PTTG1IP2: variants seen among roughly 807,000 people sequenced by gnomAD.
The protein encoded by PTTG1IP2 is PTTG1IP family member 2.
chr7:90,487,624 A>T (rs1008570259), intron 3 of PTTG1IP2, among the ~76,000 whole-genome samples: 1 of 152,340 alleles, frequency 6.6e-6, no homozygotes, highest in Non-Finnish European at 1.5e-5. Context: ...TAAGTAAAAT[A>T]AAAATAAAAA....
At chr7:90,490,734 G>A (rs1222400961) in intron 4 of PTTG1IP2, among the ~76,000 whole-genome samples, 1 of 152,088 alleles carries the variant, frequency 6.6e-6, no homozygotes, top group Non-Finnish European at 1.5e-5. Flanking sequence ...CTCCTTGTAA[G>A]TGTCATCACT....
chr7:90,491,218 T>C (rs10240380), intron 4 of PTTG1IP2, among the ~76,000 whole-genome samples: 145,740 of 152,350 alleles, frequency 0.96, 69,756 homozygotes, highest in East Asian at 1. Context: ...AAGTGTTTCA[T>C]TGTCCATGTA....
chr7:90,484,383 C>T (rs1420597704), intron 2 of PTTG1IP2, among the ~76,000 whole-genome samples: 1 of 152,010 alleles, frequency 6.6e-6, no homozygotes, highest in Non-Finnish European at 1.5e-5. Context: ...ATTGTGATGT[C>T]CATATAAGCT....
At chr7:90,497,676 C>G (rs890116746) in intron 6 of PTTG1IP2, among the ~76,000 whole-genome samples, 15 of 123,834 alleles carry the variant, frequency 1.2e-4, no homozygotes, top group Admixed American at 6.0e-4. Context: ...GTGATCATAC[C>G]ACTGTACTCC....
At chr7:90,472,909 G>T (rs1179493411) in intron 1 of PTTG1IP2, among the ~76,000 whole-genome samples, 1 of 152,204 alleles carries the variant, frequency 6.6e-6, no homozygotes, top group Non-Finnish European at 1.5e-5. Flanking sequence ...TTTAAATGCT[G>T]ATGGGGAACC....
intron 4 of PTTG1IP2, 52 bp downstream of exon 4, chr7:90,489,016 A>C (rs2116079730): frequency 6.6e-6 from 1 of 151,980 alleles, no homozygotes; most frequent in East Asian, 1.9e-4. Context: ...ATATCATTGA[A>C]GAGAATACTA....
At chr7:90,488,724 T>C (rs1797905112) in intron 3 of PTTG1IP2, 147 bp from the exon 4 acceptor site, 2 of 152,066 alleles carry the variant, frequency 1.3e-5, no homozygotes, top group South Asian at 4.1e-4. Flanking sequence ...GGTAGTTTTA[T>C]TGGAATATGT....
chr7:90,503,179 G>T (rs1274735371), intron 6 of PTTG1IP2, among the ~76,000 whole-genome samples: 1 of 152,100 alleles, frequency 6.6e-6, no homozygotes, highest in East Asian at 1.9e-4. Flanking sequence ...ACCAGTCTCT[G>T]CTAGATTCCA....
chr7:90,478,218 CTTTAG>C (rs1450541874), intron 1 of PTTG1IP2, among the ~76,000 whole-genome samples: 1 of 151,098 alleles, frequency 6.6e-6, no homozygotes, highest in African/African-American at 2.4e-5. Flanking sequence ...AAAATAAAAA[CTTTAG>C]TTTACAAAAA....
intron 2 of PTTG1IP2, among the ~76,000 whole-genome samples, chr7:90,487,120 A>G (rs1797883291): frequency 2.0e-5 from 3 of 152,328 alleles, no homozygotes; most frequent in Admixed American, 6.5e-5. Context: ...GCTGTGAGCC[A>G]CTGGGAGCCA....
At chr7:90,498,150 C>G (rs982147967) in intron 6 of PTTG1IP2, among the ~76,000 whole-genome samples, 1 of 152,110 alleles carries the variant, frequency 6.6e-6, no homozygotes, top group Non-Finnish European at 1.5e-5. Context: ...CTCAGCCTCC[C>G]GAGTAGCTGG....
At chr7:90,488,161 C>G (rs1011180002) in intron 3 of PTTG1IP2, among the ~76,000 whole-genome samples, 1 of 151,892 alleles carries the variant, frequency 6.6e-6, no homozygotes, top group Admixed American at 6.6e-5. Context: ...GTGAAAAAAC[C>G]CAATCTAGAA....
intron 2 of PTTG1IP2, among the ~76,000 whole-genome samples, chr7:90,485,916 G>T (rs1797870085): frequency 6.6e-6 from 1 of 152,184 alleles, no homozygotes; most frequent in Non-Finnish European, 1.5e-5. Flanking sequence ...GTCTCTGTGG[G>T]CTGTAATCTT....
chr7:90,492,086 G>A (rs185277107), intron 4 of PTTG1IP2, among the ~76,000 whole-genome samples, 153 bp from the exon 5 acceptor site: 123 of 152,142 alleles, frequency 8.1e-4, no homozygotes, highest in African/African-American at 2.8e-3. Flanking sequence ...AGCTGTGATC[G>A]TGCCACTGCA....
At chr7:90,503,371 T>C (rs547523854) in intron 6 of PTTG1IP2, among the ~76,000 whole-genome samples, 30 of 152,330 alleles carry the variant, frequency 2.0e-4, no homozygotes, top group Non-Finnish European at 4.1e-4. Context: ...CATTTTTGGG[T>C]TCACTGGAAT....
intron 6 of PTTG1IP2, among the ~76,000 whole-genome samples, chr7:90,510,107 G>A (rs1321602918): frequency 6.6e-6 from 1 of 152,182 alleles, no homozygotes; most frequent in Non-Finnish European, 1.5e-5. Flanking sequence ...AGCAATGAAT[G>A]TCCAGGCTCA....
intron 1 of PTTG1IP2, among the ~76,000 whole-genome samples, chr7:90,475,816 A>G (rs177662): frequency 0.95 from 145,107 of 152,042 alleles, 69,283 homozygotes; most frequent in East Asian, 1. Flanking sequence ...AAAATTAGCC[A>G]GGCGTGGTGG....
At chr7:90,506,600 T>TA (rs869275487) in intron 6 of PTTG1IP2, among the ~76,000 whole-genome samples, 1 of 151,974 alleles carries the variant, frequency 6.6e-6, no homozygotes, top group Non-Finnish European at 1.5e-5. Context: ...CTGTCTCTAC[T>TA]AAAAAAAATT....
chr7:90,480,489 AT>A (rs1037300745), intron 2 of PTTG1IP2, among the ~76,000 whole-genome samples: 1 of 152,112 alleles, frequency 6.6e-6, no homozygotes, highest in African/African-American at 2.4e-5. Flanking sequence ...ATCTTGGTCA[AT>A]TTTTTTAATG....
Sources: gnomAD v4.1 joint callset for allele counts (sites outside exome capture counted in the v4.1 genomes callset) on GRCh38, gnomAD v4.1.1 for gene constraint, MANE v1.5 for transcripts, NCBI Gene and HGNC (gene_info 2026-07-23, HGNC 2026-07-21) for gene names.